The following GRAP2 variants were observed in gnomAD, a reference collection of about 807,000 sequenced individuals.
GRAP2 encodes the protein GRB2 related adaptor protein 2.
A neutral mutation model predicts 43.5 loss-of-function variants in GRAP2; 31 were observed. The observed-to-expected ratio is 0.71, with a 90% CI of 0.54 to 0.96. The LOEUF (loss-of-function observed/expected upper bound fraction) is 0.96. Ranked by LOEUF, GRAP2 falls within the 40% of genes least tolerant of loss-of-function variation. GRAP2 has a pLI of 0.00. For synonymous variants in GRAP2, 156 were observed against 164.8 expected (o/e 0.95, Z 0.41); for missense variants, 371 against 424.4 (o/e 0.87, Z 1.11).
At chr22:39,896,055 A>T in the GRAP2 span, among the ~76,000 whole-genome samples, 7 of 152,236 alleles carry the variant, frequency 4.6e-5, no homozygotes, top group Non-Finnish European at 1.5e-5. Context: ...TCAGCAACTC[A>T]GTCACAAGTG....
At position 39,958,590 on chromosome 22, in the gene GRAP2, A is replaced by G. The variant is rs115679782; in HGVS notation, c.171-1465A>G. On this transcript the variant is annotated intron_variant, in intron 3 of 7. Transcript: ENST00000344138. ...ATGAACGAACGAATATGTATTATTGAAACCATGACCACTCATGTCTAATAT... is the reference window on the plus strand; with the variant it reads ...ATGAACGAACGAATATGTATTATTGGAACCATGACCACTCATGTCTAATAT... Among the ~76,000 whole-genome samples, 1,025 of 152,352 alleles carry G rather than the reference A, an allele frequency of 6.7e-3. 7 individuals carry two copies. Among genetic ancestry groups the G allele is most frequent in the African/African-American group, 0.024 (979 of 41,578 alleles).
chr22:39,904,642 T>C (rs2066512176), intron 1 of GRAP2, among the ~76,000 whole-genome samples: 1 of 152,222 alleles, frequency 6.6e-6, no homozygotes, highest in African/African-American at 2.4e-5. Context: ...ATTCCATCAT[T>C]AGGCCTAAGA....
chr22:39,966,226 C>A, intron 5 of GRAP2, 68 bp downstream of exon 5: 1 of 1,248,680 alleles, frequency 8.0e-7, no homozygotes, highest in Non-Finnish European at 1.2e-6. Context: ...CATGAACCAC[C>A]AGGAAAAATG....
chr22:39,899,456 A>G (rs956309005), upstream of GRAP2, among the ~76,000 whole-genome samples: 3 of 152,246 alleles, frequency 2.0e-5, no homozygotes, highest in Non-Finnish European at 4.4e-5. Context: ...AGAGGATTTC[A>G]GCATTTAAAA....
intron 1 of GRAP2, among the ~76,000 whole-genome samples, chr22:39,936,840 G>A (rs2267417): frequency 3.9e-5 from 6 of 152,312 alleles, no homozygotes; most frequent in East Asian, 3.9e-4. Flanking sequence ...CTGCCAGGTC[G>A]ATTGCAGTCT....
chr22:39,903,263 T>A (rs1467258927), intron 1 of GRAP2, among the ~76,000 whole-genome samples: 2 of 152,136 alleles, frequency 1.3e-5, no homozygotes, highest in African/African-American at 4.8e-5. Context: ...TTAAAGAATC[T>A]TTATAAGTTG....
At chr22:39,938,226 C>A (rs921748640) in intron 1 of GRAP2, among the ~76,000 whole-genome samples, 1 of 152,116 alleles carries the variant, frequency 6.6e-6, no homozygotes, top group Non-Finnish European at 1.5e-5. Flanking sequence ...AAAAAGGGAG[C>A]TAATTAAAAA....
intron 1 of GRAP2, among the ~76,000 whole-genome samples, chr22:39,910,565 C>T (rs533328171): frequency 4.0e-5 from 6 of 151,832 alleles, no homozygotes; most frequent in East Asian, 3.9e-4. Context: ...CCCGCCACCA[C>T]GCCCGGCTAA....
Position 39,956,876 on chromosome 22 carries a change from C to A in GRAP2, c.170+966C>A, listed in dbSNP as rs541934758. 3.9e-5 allele frequency among the ~76,000 whole-genome samples: 6 copies of A among 152,286 alleles called. No homozygotes were observed. The East Asian group carries it at 7.7e-4, about 20-fold the overall frequency. ...GGGGACGCTATTGGCCACCCCACTT[C>A]GGGAGCTGCTCTCCTAAGCGCTTCT... is the stretch of plus-strand genomic sequence containing the variant. On this transcript the variant is annotated intron_variant, in intron 3 of 7. Transcript: ENST00000344138.
rs1452594687 is a variant in GRAP2, at chr22:39,947,031, C to T, written c.-14-62C>T. The T allele has an allele frequency of 2.5e-5, 23 of 929,638 alleles. No homozygotes were observed. In the Admixed American group the frequency reaches 3.7e-4, roughly 15 times the overall value. The allele number at this position is 929,638 out of a possible 1,614,324, so 57.6% of individuals were successfully genotyped here. A position where few individuals can be genotyped will look rare whatever the true frequency, so the allele number is the denominator to read the frequency against. On this transcript the variant is annotated intron_variant, in intron 1 of 7. Transcript: ENST00000344138. ...GGAACTGCTGATTACCAGGAAGCACCATCGGCTCTGCTGCCCTCCCCCTGG... is the reference window on the plus strand; with the variant it reads ...GGAACTGCTGATTACCAGGAAGCACTATCGGCTCTGCTGCCCTCCCCCTGG...
intron 1 of GRAP2, among the ~76,000 whole-genome samples, chr22:39,907,697 A>G (rs769451217): frequency 2.0e-5 from 3 of 152,220 alleles, no homozygotes; most frequent in African/African-American, 7.2e-5. Context: ...AGCCGTGTTC[A>G]CACCGCTACA....
At chr22:39,920,338 G>A (rs1225141022) in intron 1 of GRAP2, among the ~76,000 whole-genome samples, 3 of 152,132 alleles carry the variant, frequency 2.0e-5, no homozygotes, top group South Asian at 4.1e-4. Context: ...TCTTCTTCCC[G>A]TTATGCCCAA....
At chr22:39,955,377 C>CA (rs929878667) in intron 2 of GRAP2, among the ~76,000 whole-genome samples, 16 of 147,080 alleles carry the variant, frequency 1.1e-4, no homozygotes, top group East Asian at 8.0e-4. Context: ...AAAACAACAA[C>CA]AAAAAAAAGA....
chr22:39,922,273 C>T (rs1318135553), intron 1 of GRAP2, among the ~76,000 whole-genome samples: 1 of 151,966 alleles, frequency 6.6e-6, no homozygotes, highest in Admixed American at 6.6e-5. Flanking sequence ...ACCCTTGGGG[C>T]AGAAGGGAGG....
Position 39,937,367 on chromosome 22 carries a change from G to C in GRAP2, c.-14-9726G>C, listed in dbSNP as rs2066817134. 2.0e-5 allele frequency among the ~76,000 whole-genome samples: 3 copies of C among 152,082 alleles called. 1 individual carries two copies. In the South Asian group the frequency reaches 6.2e-4, roughly 31 times the overall value. On this transcript the variant is annotated intron_variant, in intron 1 of 7. Transcript: ENST00000344138. ...CACCATTTCTCCCCACTTCCCCTTG[G>C]TTAGTGCTGTCTTCTCTCTTTCCTC...
chr22:39,894,092 AAAAG>A, the GRAP2 span, among the ~76,000 whole-genome samples: 8 of 152,190 alleles, frequency 5.3e-5, no homozygotes, highest in African/African-American at 1.4e-4. Flanking sequence ...GGACATTAAA[AAAAG>A]AAAAAAAATG....
chr22:39,967,519 G>A (rs2067186793), intron 5 of GRAP2, among the ~76,000 whole-genome samples: 1 of 152,166 alleles, frequency 6.6e-6, no homozygotes. Flanking sequence ...TAACATTAGG[G>A]AAAAAGGCCT....
At chr22:39,941,840 G>A (rs913512041) in intron 1 of GRAP2, among the ~76,000 whole-genome samples, 2 of 151,428 alleles carry the variant, frequency 1.3e-5, no homozygotes, top group African/African-American at 2.4e-5. Context: ...AAGGTGAAAT[G>A]TTCTATATCA....
At chr22:39,969,298 A>C in intron 6 of GRAP2, 113 bp from the exon 7 acceptor site, 1 of 1,174,046 alleles carries the variant, frequency 8.5e-7, no homozygotes, top group South Asian at 1.3e-5. Flanking sequence ...CATTATCAGT[A>C]AGTATTCCTG....
Sources: gnomAD v4.1 joint callset for allele counts (sites outside exome capture counted in the v4.1 genomes callset) on GRCh38, gnomAD v4.1.1 for gene constraint, MANE v1.5 for transcripts, NCBI Gene and HGNC (gene_info 2026-07-23, HGNC 2026-07-21) for gene names.